The following COL28A1 variants were observed in gnomAD, a reference collection of about 807,000 sequenced individuals.
The protein encoded by COL28A1 is collagen type XXVIII alpha 1 chain.
COL28A1 carries 161 observed loss-of-function variants against 150.2 expected under a neutral mutation model. The observed-to-expected ratio is 1.07, with a 90% CI of 0.94 to 1.22. The LOEUF is 1.22. COL28A1 is among the 50% of genes most tolerant of loss of function. The pLI, the probability that COL28A1 is intolerant of heterozygous loss-of-function variation, is 0.00. For missense variants in COL28A1, 1,617 were observed against 1,388.3 expected (o/e 1.16, Z -2.62); for synonymous variants, 552 against 469.7 (o/e 1.18, Z -2.26).
At chr7:7,503,824 G>A (rs1027011242) in intron 11 of COL28A1, among the ~76,000 whole-genome samples, 2 of 152,112 alleles carry the variant, frequency 1.3e-5, no homozygotes. Context: ...AAAGAAAAGG[G>A]GGAACTCATG....
chr7:7,422,645 A>T lies in COL28A1; in HGVS notation c.1999-2692T>A, dbSNP rs544864760. On this transcript the variant is annotated intron_variant, in intron 25 of 34. Coordinates refer to ENST00000399429, the MANE Select transcript of COL28A1 (RefSeq NM_001037763.3). Reference sequence around the variant, plus strand: ...CTCTGTCTCCAAAAAAGAAAAAAAAAAAGGAAGGATATAGCCAGACACCAT... The same window carrying T: ...CTCTGTCTCCAAAAAAGAAAAAAAATAAGGAAGGATATAGCCAGACACCAT... Among the ~76,000 whole-genome samples, 8 of 152,100 alleles carry T rather than the reference A, an allele frequency of 5.3e-5. No individual in the cohort carries two copies. The South Asian group carries it at 1.5e-3, about 28-fold the overall frequency.
At chr7:7,501,895 G>T (rs146686557) in intron 11 of COL28A1, among the ~76,000 whole-genome samples, 270 of 152,130 alleles carry the variant, frequency 1.8e-3, no homozygotes, top group Middle Eastern at 0.01. Context: ...CTATTGAGAC[G>T]TTCCGTTTTT....
At chr7:7,505,645 T>C (rs1041841538) in intron 11 of COL28A1, among the ~76,000 whole-genome samples, 2 of 152,220 alleles carry the variant, frequency 1.3e-5, no homozygotes, top group Non-Finnish European at 2.9e-5. Context: ...AAAGTGTATA[T>C]TGAGGTGGCA....
chr7:7,527,101 CA>C (rs547587580), intron 3 of COL28A1, among the ~76,000 whole-genome samples: 41 of 152,192 alleles, frequency 2.7e-4, no homozygotes, highest in African/African-American at 9.6e-4. Flanking sequence ...CATAGCAATG[CA>C]AAAAACTATT....
chr7:7,386,704 C>T (rs910210210), intron 27 of COL28A1, among the ~76,000 whole-genome samples: 1 of 152,158 alleles, frequency 6.6e-6, no homozygotes, highest in Non-Finnish European at 1.5e-5. Flanking sequence ...AGGGACTTTG[C>T]TGGTGCTCAA....
intron 13 of COL28A1, among the ~76,000 whole-genome samples, chr7:7,480,895 C>G (rs188786361): frequency 6.6e-6 from 1 of 152,172 alleles, no homozygotes; most frequent in Admixed American, 6.5e-5. Context: ...CTCTGCAAAG[C>G]ACAACATCCT....
intron 11 of COL28A1, 42 bp downstream of exon 11, chr7:7,505,972 G>T (rs1780786740): frequency 4.3e-6 from 4 of 930,416 alleles, no homozygotes; most frequent in East Asian, 2.4e-5. Context: ...GCGCACTAGG[G>T]GAAAGGCACT....
chr7:7,340,433 G>A, the COL28A1 span, among the ~76,000 whole-genome samples: 1 of 152,114 alleles, frequency 6.6e-6, no homozygotes, highest in South Asian at 2.1e-4. Flanking sequence ...TATTATTGAT[G>A]TCTAAACTTT....
chr7:7,345,524 G>A, the COL28A1 span, among the ~76,000 whole-genome samples: 1 of 151,818 alleles, frequency 6.6e-6, no homozygotes, highest in Non-Finnish European at 1.5e-5. Flanking sequence ...ATTTTTTATA[G>A]TACCTATCTA....
chr7:7,485,939 C>T (rs1177913331), intron 13 of COL28A1, among the ~76,000 whole-genome samples: 1 of 152,142 alleles, frequency 6.6e-6, no homozygotes, highest in Non-Finnish European at 1.5e-5. Flanking sequence ...GCTATTCTAG[C>T]TCTTTTGCCT....
At chr7:7,435,772 T>G (rs1785297044) in intron 23 of COL28A1, among the ~76,000 whole-genome samples, 1 of 152,226 alleles carries the variant, frequency 6.6e-6, no homozygotes, top group Non-Finnish European at 1.5e-5. Flanking sequence ...CAAAGCTACG[T>G]AACAACATGC....
chr7:7,443,316 G>A (rs549333534), intron 20 of COL28A1, among the ~76,000 whole-genome samples: 1 of 152,122 alleles, frequency 6.6e-6, no homozygotes, highest in South Asian at 2.1e-4. Context: ...TCCTTCCTAT[G>A]TGTTTTTTAA....
chr7:7,537,288 C>T (rs374781392), upstream of COL28A1, among the ~76,000 whole-genome samples: 1 of 152,152 alleles, frequency 6.6e-6, no homozygotes, highest in African/African-American at 2.4e-5. Context: ...TGTAGACACA[C>T]CAATGCATCT....
At chr7:7,494,067 G>A (rs746717532) in intron 11 of COL28A1, among the ~76,000 whole-genome samples, 33 of 152,254 alleles carry the variant, frequency 2.2e-4, no homozygotes, top group African/African-American at 5.3e-4. Context: ...GAGTGTGAGC[G>A]TGTGTGGAGG....
At chr7:7,458,461 AAAAAG>A (rs1787348922) in intron 15 of COL28A1, among the ~76,000 whole-genome samples, 3 of 152,190 alleles carry the variant, frequency 2.0e-5, no homozygotes, top group East Asian at 1.9e-4. Context: ...AAAAACAAAC[AAAAAG>A]AAAAGAAAAA....
At chr7:7,395,255 C>G (rs889969219) in intron 27 of COL28A1, among the ~76,000 whole-genome samples, 8 of 152,166 alleles carry the variant, frequency 5.3e-5, no homozygotes, top group African/African-American at 1.9e-4. Context: ...GATCACATCA[C>G]TGCACTCCAG....
intron 20 of COL28A1, among the ~76,000 whole-genome samples, 178 bp from the exon 21 acceptor site, chr7:7,441,039 A>T (rs1785739075): frequency 6.6e-6 from 1 of 152,240 alleles, no homozygotes; most frequent in South Asian, 2.1e-4. Context: ...AGATGACTTC[A>T]GATTGTTCAG....
intron 33 of COL28A1, among the ~76,000 whole-genome samples, chr7:7,364,043 A>G (rs1052427011): frequency 1.3e-5 from 2 of 152,078 alleles, no homozygotes; most frequent in African/African-American, 4.8e-5. Context: ...CAGGCTCTCA[A>G]TATCAACCCT....
At chr7:7,416,719 C>A (rs1316639964) in intron 27 of COL28A1, among the ~76,000 whole-genome samples, 1 of 152,188 alleles carries the variant, frequency 6.6e-6, no homozygotes, top group Non-Finnish European at 1.5e-5. Flanking sequence ...TTTAGAAGAC[C>A]TGCTGTAGAA....
Sources: gnomAD v4.1 joint callset for allele counts (sites outside exome capture counted in the v4.1 genomes callset) on GRCh38, gnomAD v4.1.1 for gene constraint, MANE v1.5 for transcripts, NCBI Gene and HGNC (gene_info 2026-07-23, HGNC 2026-07-21) for gene names.